DBN1: variants seen among roughly 807,000 people sequenced by gnomAD.
The protein encoded by DBN1 is drebrin.
A neutral mutation model predicts 83.5 loss-of-function variants in DBN1; 21 were observed. That is an observed-to-expected ratio of 0.25 (90% CI 0.18 to 0.36). DBN1 has a LOEUF of 0.36. DBN1 is among the 10% of genes least tolerant of loss of function. The pLI is 1.00. For synonymous variants in DBN1, 381 were observed against 384.9 expected, an observed-to-expected ratio of 0.99 and a Z score of 0.12; for missense variants, 874 against 935.7, an observed-to-expected ratio of 0.93 and a Z score of 0.86.
At chr5:177,472,500 C>T in intron 1 of DBN1, 1 of 1,000,766 alleles carries the variant, frequency 1.0e-6, no homozygotes, top group Non-Finnish European at 1.3e-6. Context: ...AGCCCCAGAG[C>T]AGGTGGTCCA....
chr5:177,462,981 G>A (rs1275283786), intron 8 of DBN1, among the ~76,000 whole-genome samples: 1 of 152,014 alleles, frequency 6.6e-6, no homozygotes, highest in Non-Finnish European at 1.5e-5. Context: ...ACTGCCTGCT[G>A]TAATCTCAGT....
chr5:177,467,079 G>A lies in DBN1; in HGVS notation c.556-17C>T, dbSNP rs760494041. On this transcript the variant is annotated splice_polypyrimidine_tract_variant and intron_variant, in intron 6 of 14. Coordinates refer to ENST00000393565, the MANE Select transcript of DBN1 (RefSeq NM_001363541.2). The surrounding 1 kb of genome is among the most constrained non-coding windows in gnomAD (Gnocchi z 9.1). ...TTCTTCCTTCTGCAAGCCCCGGTGCGAACAAGGGTAGGCCCCGAGCCTAGG... is the reference window on the plus strand; with the variant it reads ...TTCTTCCTTCTGCAAGCCCCGGTGCAAACAAGGGTAGGCCCCGAGCCTAGG... 1.4e-5 allele frequency: 23 copies of A among 1,613,342 alleles called. No individual in the cohort carries two copies. Among genetic ancestry groups the A allele is most frequent in the Middle Eastern group, 1.7e-4 (1 of 6,030 alleles).
At chr5:177,459,828 G>A in intron 10 of DBN1, 88 bp from the exon 11 acceptor site, 1 of 1,363,456 alleles carries the variant, frequency 7.3e-7, no homozygotes, top group Non-Finnish European at 9.6e-7. Context: ...CCCGCCCCCA[G>A]GGCCTGGCCC....
intron 13 of DBN1, 111 bp downstream of exon 13, chr5:177,457,947 A>C (rs1561675564): frequency 1.3e-6 from 2 of 1,487,552 alleles, no homozygotes; most frequent in Non-Finnish European, 1.9e-6. Context: ...CCCTCAAATA[A>C]TGTGGGTCAC....
chr5:177,459,539 G>T, intron 11 of DBN1, 64 bp downstream of exon 11: 3 of 1,435,148 alleles, frequency 2.1e-6, no homozygotes, highest in Non-Finnish European at 2.8e-6. Context: ...GAGTGAGGGC[G>T]GGGGGCTGCT....
chr5:177,467,166 T>C lies in DBN1; in HGVS notation c.555+89A>G, dbSNP rs910051301. On this transcript the variant is annotated intron_variant, in intron 6 of 14. Coordinates refer to ENST00000393565, the MANE Select transcript of DBN1 (RefSeq NM_001363541.2). This position sits in a 1 kb window ranked among gnomAD's most constrained non-coding sequence, Gnocchi z 9.1. ...AGCGCTGGGGGCGGGGCACGTGGCA[T>C]GGGCCATGCCACTGCAGTGAGGGAC... 2 of 1,604,612 alleles carry C rather than the reference T, an allele frequency of 1.2e-6. No homozygotes were observed. Among genetic ancestry groups the C allele is most frequent in the Admixed American group, 1.7e-5 (1 of 59,910 alleles).
At chr5:177,469,310 C>A (rs888816281) in intron 1 of DBN1, among the ~76,000 whole-genome samples, 1 of 152,030 alleles carries the variant, frequency 6.6e-6, no homozygotes, top group Non-Finnish European at 1.5e-5. Flanking sequence ...TTGGTCCCCG[C>A]TGCCCCTCCC....
intron 14 of DBN1, 29 bp from the exon 15 acceptor site, chr5:177,457,532 G>A (rs200334698): frequency 1.2e-6 from 2 of 1,608,884 alleles, no homozygotes; most frequent in Admixed American, 3.3e-5. Context: ...AGAGGAGTTA[G>A]GGACCTAGCA....
At chr5:177,461,387 C>T (rs972957843) in intron 8 of DBN1, among the ~76,000 whole-genome samples, 7 of 151,960 alleles carry the variant, frequency 4.6e-5, no homozygotes, top group African/African-American at 2.4e-5. Flanking sequence ...CGTGAGCCAC[C>T]GCGCCCGGCC....
chr5:177,472,223 TC>T (rs765017328), intron 1 of DBN1: 1 of 1,613,540 alleles, frequency 6.2e-7, no homozygotes, highest in Admixed American at 1.7e-5. Flanking sequence ...CATCCTCTCC[TC>T]CAGAAGCCCC....
chr5:177,467,314 T>C lies in DBN1; in HGVS notation c.496A>G (p.Thr166Ala). ...AEPVGTTYQKTDAAVEMKRIN... is the reference protein window; with the variant it reads ...AEPVGTTYQKADAAVEMKRIN... ...CGCTTCATTTCCACAGCTGCATCCG[T>C]CTTCTGGTAGGTGGTGCCCTGCAGT... is the stretch of plus-strand genomic sequence containing the variant. The change falls in exon 6 of 15, where the codon ACG (threonine) becomes GCG (alanine). Residue 166 changes from threonine (T) to alanine (A), a missense_variant. Coordinates refer to ENST00000393565, the MANE Select transcript of DBN1 (RefSeq NM_001363541.2). The surrounding 1 kb of genome is among the most constrained non-coding windows in gnomAD (Gnocchi z 9.1). 1 of 1,614,076 alleles carries C rather than the reference T, an allele frequency of 6.2e-7. No homozygotes were observed. Among genetic ancestry groups the C allele is most frequent in the East Asian group, 2.2e-5 (1 of 44,866 alleles).
At position 177,465,122 on chromosome 5, in the gene DBN1, C is replaced by T. The variant is rs567147101; in HGVS notation, c.771+1650G>A. ...GAGCTGAGATGGCGCCACTGCACTCCGGCCTGGGCGACAGAGCGAGATTCC... is the reference window on the plus strand; with the variant it reads ...GAGCTGAGATGGCGCCACTGCACTCTGGCCTGGGCGACAGAGCGAGATTCC... On this transcript the variant is annotated intron_variant, in intron 8 of 14. Transcript: ENST00000393565. Among the ~76,000 whole-genome samples the T allele has an allele frequency of 6.6e-5, 10 of 152,180 alleles. No homozygotes were observed. The East Asian group carries it at 9.6e-4, about 15-fold the overall frequency.
chr5:177,456,693 A>G lies in DBN1; in HGVS notation c.*740T>C, dbSNP rs906889281. The G allele has an allele frequency of 2.1e-5, 3 of 144,662 alleles. No homozygotes were observed. The highest frequency in any genetic ancestry group is 8.7e-5 in the African/African-American group (3 of 34,632). 9.0% of individuals were successfully genotyped at this position (144,662 alleles called of 1,614,324 possible). On this transcript the variant is annotated 3_prime_UTR_variant, in exon 15 of 15. Transcript: ENST00000393565. ...CTTTCCAAAAAAAAAAAAAAAAAAA[A>G]AAAAAAAACAGTTACTAAACGTGAA... is the stretch of plus-strand genomic sequence containing the variant.
chr5:177,469,000 A>G, intron 1 of DBN1, 101 bp from the exon 2 acceptor site: 2 of 650,986 alleles, frequency 3.1e-6, no homozygotes, highest in Middle Eastern at 2.9e-4. Flanking sequence ...AGTGGGTAGG[A>G]CAGGAACGGG....
At position 177,458,365 on chromosome 5, in the gene DBN1, T is replaced by C. The variant is rs1581714173; in HGVS notation, c.1607A>G (p.Gln536Arg). 4 of 1,613,824 alleles carry C rather than the reference T, an allele frequency of 2.5e-6. No individual in the cohort carries two copies. The East Asian group carries it at 8.9e-5, about 36-fold the overall frequency. The change falls in exon 13 of 15, where the codon CAG (glutamine) becomes CGG (arginine). Residue 536 changes from glutamine to arginine, a missense_variant. Transcript: ENST00000393565. ...PGNGEGASTL[Q>R]GEPRAPTPPS... is the part of the protein sequence containing the mutation. ...TGGCGTGGGGGCCCTGGGCTCACCC[T>C]GGAGTGTGGAGGCCCCTTCCCCGTT...
rs1247816720 is a variant in DBN1 at position 177,467,712 on chromosome 5, ACC to A, written c.330+29_330+30del. The A allele has an allele frequency of 6.4e-7, 1 of 1,551,026 alleles. No homozygotes were observed. The highest frequency in any genetic ancestry group is 8.7e-7 in the Non-Finnish European group (1 of 1,147,508). Reference sequence around the variant, plus strand: ...CACGCAGACCCTGGTGGCTGTCCCCACCCCCAAGAGCGCTGGCCCCTGACACG... The same window carrying A: ...CACGCAGACCCTGGTGGCTGTCCCCACCCAAGAGCGCTGGCCCCTGACACG... On this transcript the variant is annotated intron_variant, in intron 4 of 14. Transcript: ENST00000393565. The surrounding 1 kb of genome is among the most constrained non-coding windows in gnomAD (Gnocchi z 9.1).
At chr5:177,472,539 C>G in intron 1 of DBN1, 1 of 681,218 alleles carries the variant, frequency 1.5e-6, no homozygotes, top group South Asian at 2.4e-5. Flanking sequence ...CGGGAGACAA[C>G]AGCTGGGGGG....
chr5:177,471,620 GA>G (rs777837484), intron 1 of DBN1, among the ~76,000 whole-genome samples: 10 of 152,204 alleles, frequency 6.6e-5, no homozygotes, highest in Admixed American at 1.3e-4. Context: ...CTCTTGTGTA[GA>G]AAGTGATCCT....
chr5:177,465,834 G>A lies in DBN1; in HGVS notation c.771+938C>T, dbSNP rs112891008. ...CACGCCATTGCATTCTACCCTGGGC[G>A]ACAGAGTGAGACTCCATCTCAAAAA... On this transcript the variant is annotated intron_variant, in intron 8 of 14. Transcript: ENST00000393565. Among the ~76,000 whole-genome samples the A allele has an allele frequency of 2.7e-3, 386 of 143,962 alleles. 3 individuals carry two copies. The highest frequency in any genetic ancestry group is 7.9e-3 in the African/African-American group (303 of 38,356). 94.4% of individuals were successfully genotyped at this position (143,962 alleles called of 152,430 possible).
Sources: gnomAD v4.1 joint callset for allele counts (sites outside exome capture counted in the v4.1 genomes callset) on GRCh38, gnomAD v4.1.1 for gene constraint, Gnocchi (gnomAD v3.1) non-coding constraint, MANE v1.5 for transcripts, NCBI Gene and HGNC (gene_info 2026-07-23, HGNC 2026-07-21) for gene names.